Variants in UBE2J1 observed in about 807,000 individuals in gnomAD.
UBE2J1 encodes the protein ubiquitin-conjugating enzyme E2 J1.
In UBE2J1, 17 loss-of-function variants were observed where a neutral mutation model predicts 42.1. That is an observed-to-expected ratio of 0.40 (90% CI 0.28 to 0.61). The LOEUF is 0.61. Ranked by LOEUF, UBE2J1 falls within the 20% of genes least tolerant of loss-of-function variation. The pLI is 0.38. For missense variants in UBE2J1, 291 were observed against 389.4 expected (o/e 0.75, Z 2.13); for synonymous variants, 127 against 137.2 (o/e 0.93, Z 0.52).
intron 1 of UBE2J1, 78 bp from the exon 2 acceptor site, chr6:89,343,834 A>G: frequency 8.7e-7 from 1 of 1,153,890 alleles, no homozygotes. Context: ...GAGCCTAATG[A>G]AAAAATGTGT....
At chr6:89,332,754 T>C (rs1209663068) in intron 7 of UBE2J1, among the ~76,000 whole-genome samples, 2 of 152,214 alleles carry the variant, frequency 1.3e-5, no homozygotes, top group Non-Finnish European at 2.9e-5. Flanking sequence ...CTGCCAAAAA[T>C]AGTGTCTATT....
chr6:89,348,586 CAGG>C (rs1359083298), intron 1 of UBE2J1, among the ~76,000 whole-genome samples: 1 of 152,154 alleles, frequency 6.6e-6, no homozygotes, highest in Non-Finnish European at 1.5e-5. Flanking sequence ...TGTTTCTGCC[CAGG>C]AGGACCCTGC....
intron 5 of UBE2J1, among the ~76,000 whole-genome samples, chr6:89,336,388 C>T (rs1768106477): frequency 2.6e-5 from 4 of 151,990 alleles, no homozygotes; most frequent in African/African-American, 9.7e-5. Context: ...CCTCCCAGAC[C>T]CCAGTGATCT....
At chr6:89,337,967 T>C (rs1192136518) in intron 5 of UBE2J1, among the ~76,000 whole-genome samples, 2 of 152,166 alleles carry the variant, frequency 1.3e-5, no homozygotes, top group African/African-American at 2.4e-5. Context: ...TTTTTAAAAA[T>C]AGTGAAATAG....
intron 1 of UBE2J1, among the ~76,000 whole-genome samples, chr6:89,348,018 G>C (rs542926001): frequency 1.3e-5 from 2 of 152,324 alleles, no homozygotes; most frequent in African/African-American, 4.8e-5. Flanking sequence ...CCTGGCTCCT[G>C]AGGAGAAATA....
chr6:89,343,528 T>C (rs1169035644), intron 2 of UBE2J1, among the ~76,000 whole-genome samples, 155 bp downstream of exon 2: 2 of 152,048 alleles, frequency 1.3e-5, no homozygotes, highest in Non-Finnish European at 2.9e-5. Context: ...CTAAAGTGAT[T>C]TGGAATGGCT....
intron 1 of UBE2J1, among the ~76,000 whole-genome samples, chr6:89,347,790 C>T (rs1348765138): frequency 6.6e-6 from 1 of 152,180 alleles, no homozygotes; most frequent in Non-Finnish European, 1.5e-5. Context: ...TTTTGTAGCT[C>T]TAAGTCCTTG....
intron 1 of UBE2J1, among the ~76,000 whole-genome samples, chr6:89,344,457 T>C (rs916378727): frequency 1.1e-4 from 16 of 152,346 alleles, no homozygotes; most frequent in African/African-American, 3.6e-4. Context: ...CCTATACTTA[T>C]ATTCATTTTC....
chr6:89,345,978 C>T (rs1768356841), intron 1 of UBE2J1, among the ~76,000 whole-genome samples: 1 of 151,796 alleles, frequency 6.6e-6, no homozygotes, highest in Non-Finnish European at 1.5e-5. Context: ...GAAGCCTCAA[C>T]CTCCCAAGCT....
intron 1 of UBE2J1, among the ~76,000 whole-genome samples, chr6:89,349,896 C>A (rs1424286612): frequency 6.6e-6 from 1 of 152,170 alleles, no homozygotes; most frequent in African/African-American, 2.4e-5. Flanking sequence ...GTGCTTTATA[C>A]ACATTTCTTC....
intron 1 of UBE2J1, among the ~76,000 whole-genome samples, chr6:89,345,505 G>A (rs1768345984): frequency 6.6e-6 from 1 of 152,206 alleles, no homozygotes. Flanking sequence ...GGGAGGCTGA[G>A]GCAGGAGAAT....
At position 89,338,242 on chromosome 6, in the gene UBE2J1, C is replaced by G; in HGVS notation, c.391G>C (p.Asp131His). 1 of 1,613,798 alleles carries G rather than the reference C, an allele frequency of 6.2e-7. No homozygotes were observed. Among genetic ancestry groups the G allele is most frequent in the Non-Finnish European group, 8.5e-7 (1 of 1,179,884 alleles). ...TKGEGAIGSL[D>H]YTPEERRALA... ...GCTCTTCTTTCCTCAGGAGTGTAAT[C>G]TAGAGAACCTATGGCTCCCTCTCCT... is the stretch of plus-strand genomic sequence containing the variant. The change falls in exon 5 of 8, where the codon GAT becomes CAT. Residue 131 changes from aspartate (D) to histidine (H), a missense_variant. Around this residue, in one of 2 missense-constraint regions of UBE2J1, gnomAD observed 115 missense variants for 193.1 expected, o/e 0.60. Transcript: ENST00000435041.
At chr6:89,352,326 G>C (rs1161434714) in intron 1 of UBE2J1, among the ~76,000 whole-genome samples, 1 of 152,244 alleles carries the variant, frequency 6.6e-6, no homozygotes, top group Non-Finnish European at 1.5e-5. Context: ...GTGCTGCGGG[G>C]CGCGCTGGCC....
At chr6:89,341,757 G>A (rs902546056) in intron 3 of UBE2J1, among the ~76,000 whole-genome samples, 5 of 151,808 alleles carry the variant, frequency 3.3e-5, no homozygotes, top group Non-Finnish European at 5.9e-5. Context: ...TTCACATGAA[G>A]AAAAGATGTG....
intron 1 of UBE2J1, among the ~76,000 whole-genome samples, chr6:89,344,492 T>C (rs1429316692): frequency 6.6e-6 from 1 of 152,218 alleles, no homozygotes; most frequent in Non-Finnish European, 1.5e-5. Context: ...CCTTGGCTCT[T>C]AGGAGTCCCT....
chr6:89,330,558 T>G (rs940433266), intron 7 of UBE2J1, among the ~76,000 whole-genome samples: 9 of 152,106 alleles, frequency 5.9e-5, no homozygotes, highest in East Asian at 1.9e-4. Context: ...CTTTGGGAGG[T>G]TGAGGCAGGA....
intron 1 of UBE2J1, among the ~76,000 whole-genome samples, chr6:89,344,579 G>C (rs1768321986): frequency 6.6e-6 from 1 of 152,156 alleles, no homozygotes; most frequent in Non-Finnish European, 1.5e-5. Context: ...TACCCAAACA[G>C]CTGAGCATCA....
intron 6 of UBE2J1, among the ~76,000 whole-genome samples, chr6:89,334,757 C>T (rs548338017): frequency 2.0e-5 from 3 of 152,088 alleles, no homozygotes; most frequent in Admixed American, 6.5e-5. Context: ...CGTGAGCCAC[C>T]GCGCCCGGCC....
At chr6:89,345,504 A>C (rs1768345904) in intron 1 of UBE2J1, among the ~76,000 whole-genome samples, 1 of 152,218 alleles carries the variant, frequency 6.6e-6, no homozygotes. Flanking sequence ...CGGGAGGCTG[A>C]GGCAGGAGAA....
Sources: allele counts gnomAD v4.1 joint callset (sites outside exome capture counted in the v4.1 genomes callset), GRCh38; gene constraint gnomAD v4.1.1; regional missense constraint gnomAD v4.1.1; transcripts MANE v1.5; gene names NCBI Gene and HGNC (gene_info 2026-07-23, HGNC 2026-07-21).